RPP38: variants seen among roughly 807,000 people sequenced by gnomAD.
The protein encoded by RPP38 is ribonuclease P/MRP subunit p38, also known as ribonuclease P protein subunit p38.
Under a neutral mutation model 1.7 loss-of-function variants are expected in RPP38, and 2 were observed. The ratio of observed to expected loss-of-function variants is 1.18; its 90% CI spans 0.48 to 3.70. RPP38 has a LOEUF of 3.70. Ranked by LOEUF, RPP38 falls within the 30% of genes most tolerant of loss-of-function variation. The pLI is 0.07. For missense variants in RPP38, 358 were observed against 340.1 expected (o/e 1.05, Z -0.41); for synonymous variants, 151 against 131.8 (o/e 1.15, Z -1.00).
At position 15,104,133 on chromosome 10, in the gene RPP38, A is replaced by G; in HGVS notation, c.819A>G (p.Lys273=). The G allele has an allele frequency of 1.9e-6, 3 of 1,573,734 alleles. No homozygotes were observed. In the South Asian group the frequency reaches 3.6e-5, roughly 19 times the overall value. ...KLIPNPNKIR[K]PPKSKKATPK ...TTCCAAACCCTAATAAGATAAGGAA[A>G]CCACCCAAAAGTAAAAAAGCTACTC... The change falls in exon 3 of 3, where the codon AAA becomes AAG. Residue 273 remains lysine (K), a synonymous_variant. Transcript: ENST00000378197.
chr10:15,098,043 G>A (rs115408189), intron 1 of RPP38, among the ~76,000 whole-genome samples: 1 of 152,000 alleles, frequency 6.6e-6, no homozygotes. Flanking sequence ...CTCTTCCTTT[G>A]CCCAGATCCA....
Position 15,104,139 on chromosome 10 carries a change from C to T in RPP38, c.825C>T (p.Pro275=). The change falls in exon 3 of 3, where the codon CCC becomes CCT. Residue 275 remains proline (P), a synonymous_variant. Coordinates refer to ENST00000378197, the MANE Select transcript of RPP38 (RefSeq NM_183005.5). ...IPNPNKIRKP[P]KSKKATPK ...ACCCTAATAAGATAAGGAAACCACCCAAAAGTAAAAAAGCTACTCCAAAGT... is the reference window on the plus strand; with the variant it reads ...ACCCTAATAAGATAAGGAAACCACCTAAAAGTAAAAAAGCTACTCCAAAGT... The T allele has an allele frequency of 6.4e-7, 1 of 1,565,164 alleles. No homozygotes were observed. Among genetic ancestry groups the T allele is most frequent in the African/African-American group, 1.4e-5 (1 of 72,100 alleles).
chr10:15,101,519 T>G (rs1845107163), intron 1 of RPP38, among the ~76,000 whole-genome samples: 1 of 152,156 alleles, frequency 6.6e-6, no homozygotes, highest in South Asian at 2.1e-4. Context: ...CTCAATGGAT[T>G]AGTATCTTTA....
chr10:15,098,691 T>G (rs1213191194), intron 1 of RPP38, among the ~76,000 whole-genome samples: 1 of 150,250 alleles, frequency 6.7e-6, no homozygotes, highest in African/African-American at 2.4e-5. Context: ...ATCGAGACCA[T>G]CCTGGCCAAC....
chr10:15,103,064 C>T (rs1293309854), intron 2 of RPP38: 15 of 243,816 alleles, frequency 6.2e-5, no homozygotes, highest in African/African-American at 1.1e-4. Flanking sequence ...TGGTGGCGGG[C>T]GCCTGTAATC....
At chr10:15,098,504 G>A (rs1455502896) in intron 1 of RPP38, among the ~76,000 whole-genome samples, 1 of 151,204 alleles carries the variant, frequency 6.6e-6, no homozygotes, top group Non-Finnish European at 1.5e-5. Flanking sequence ...TTACAGGCGT[G>A]AGCCACCTCG....
At chr10:15,098,149 T>G (rs1210591855) in intron 1 of RPP38, among the ~76,000 whole-genome samples, 4 of 151,384 alleles carry the variant, frequency 2.6e-5, no homozygotes, top group African/African-American at 9.7e-5. Flanking sequence ...CATTATCTGG[T>G]CCTTACCCAC....
At chr10:15,098,126 T>C (rs1844996619) in intron 1 of RPP38, among the ~76,000 whole-genome samples, 1 of 152,006 alleles carries the variant, frequency 6.6e-6, no homozygotes, top group African/African-American at 2.4e-5. Context: ...ACTGGAACGC[T>C]TGCAAAGGTC....
intron 1 of RPP38, among the ~76,000 whole-genome samples, chr10:15,099,587 A>G (rs958309235): frequency 2.7e-5 from 4 of 149,778 alleles, no homozygotes; most frequent in African/African-American, 9.9e-5. Context: ...CAATTCCCCT[A>G]CCTCAGCCAC....
At position 15,103,111 on chromosome 10, in the gene RPP38, G is replaced by C. The variant is rs566939648; in HGVS notation, c.-10-194G>C. Reference sequence around the variant, plus strand: ...GGAGGCTGAGGCAGGAGAATCGCTTGAACCCAGGAGGTGGAGGTTGCAGTG... The same window carrying C: ...GGAGGCTGAGGCAGGAGAATCGCTTCAACCCAGGAGGTGGAGGTTGCAGTG... On this transcript the variant is annotated intron_variant, in intron 2 of 2. Transcript: ENST00000378197. 2.6e-5 allele frequency: 10 copies of C among 388,204 alleles called. No homozygotes were observed. In the East Asian group the frequency reaches 5.2e-4, roughly 20 times the overall value. 24.0% of individuals were successfully genotyped at this position (388,204 alleles called of 1,614,324 possible).
Position 15,103,542 on chromosome 10 carries a change from CAGAG to C in RPP38, c.232_235del (p.Glu78AsnfsTer12). The stretch of plus-strand genomic sequence containing the variant: ...AAACACCTTTTCTGAAAAAAGAAAG[CAGAG>C]AGAAATGCAGCATTGCTGTTGATAT... On this transcript the variant is annotated frameshift_variant, in exon 3 of 3. Transcript: ENST00000378197. LOFTEE classifies it low-confidence loss of function (END_TRUNC). 1 of 1,613,918 alleles carries C rather than the reference CAGAG, an allele frequency of 6.2e-7. No individual in the cohort carries two copies.
chr10:15,100,744 G>A (rs1049064353), intron 1 of RPP38, among the ~76,000 whole-genome samples: 2 of 151,500 alleles, frequency 1.3e-5, no homozygotes, highest in Admixed American at 6.6e-5. Flanking sequence ...GCAGTGGCGC[G>A]ATCTTGACTC....
Position 15,104,015 on chromosome 10 carries a change from C to T in RPP38, c.701C>T (p.Thr234Ile), listed in dbSNP as rs1564550318. Residue 234 changes from threonine to isoleucine, a missense_variant, in exon 3 of 3, where the codon ACT (threonine) becomes ATT (isoleucine). Physicochemically the swap from Thr to Ile is moderately conservative, Grantham distance 89. Transcript: ENST00000378197. ...LESQDRELLD[T>I]SFEDLSKPKR... ...AGCCAAGACAGAGAGCTTTTGGACA[C>T]TTCATTTGAAGATCTGTCAAAACCT... is the stretch of plus-strand genomic sequence containing the variant. 3 of 1,614,160 alleles carry T rather than the reference C, an allele frequency of 1.9e-6. 1 individual carries two copies. The highest frequency in any genetic ancestry group is 2.2e-5 in the South Asian group (2 of 91,074).
At chr10:15,098,208 T>A (rs996214482) in intron 1 of RPP38, among the ~76,000 whole-genome samples, 2 of 149,952 alleles carry the variant, frequency 1.3e-5, no homozygotes, top group African/African-American at 4.9e-5. Context: ...CCCAGCCACA[T>A]TGAACTTATT....
rs530655020 is a variant in RPP38 at position 15,104,135 on chromosome 10, C to T, written c.821C>T (p.Pro274Leu). The T allele has an allele frequency of 2.5e-6, 4 of 1,571,378 alleles. No individual in the cohort carries two copies. Among genetic ancestry groups the T allele is most frequent in the Non-Finnish European group, 3.4e-6 (4 of 1,165,772 alleles). Residue 274 changes from proline to leucine, a missense_variant, in exon 3 of 3, where the codon CCA becomes CTA. By Grantham distance (98) the Pro-to-Leu change is moderately conservative. Coordinates refer to ENST00000378197, the MANE Select transcript of RPP38 (RefSeq NM_183005.5). Reference protein sequence around the residue: ...LIPNPNKIRKPPKSKKATPK With the variant: ...LIPNPNKIRKLPKSKKATPK ...CCAAACCCTAATAAGATAAGGAAAC[C>T]ACCCAAAAGTAAAAAAGCTACTCCA... is the stretch of plus-strand genomic sequence containing the variant.
intron 1 of RPP38, among the ~76,000 whole-genome samples, chr10:15,098,904 A>AGT (rs57617378): frequency 0.24 from 31,276 of 130,448 alleles, 4,576 homozygotes; most frequent in African/African-American, 0.45. Context: ...AAAAAAAAAA[A>AGT]AAGTTCCTCT....
rs141805788 is a variant in RPP38 at position 15,103,887 on chromosome 10, C to T, written c.573C>T (p.Asp191=). 2.0e-5 allele frequency: 32 copies of T among 1,614,026 alleles called. No homozygotes were observed. The highest frequency in any genetic ancestry group is 5.3e-5 in the African/African-American group (4 of 74,984). Residue 191 remains aspartate (D), a synonymous_variant, in exon 3 of 3, where the codon GAC becomes GAT. Transcript: ENST00000378197. ...AAAAGAACACCACTGACTTTGTGGA[C>T]GAAGTAAGAGCCATCATCCCCAGAG... ...AFKKNTTDFV[D]EVRAIIPRVP... is the part of the protein sequence containing the mutation.
rs1367149741 is a variant in RPP38, at chr10:15,097,430, T to A, written c.-466T>A. 1 of 152,290 alleles carries A rather than the reference T, an allele frequency of 6.6e-6. No homozygotes were observed. Among genetic ancestry groups the A allele is most frequent in the East Asian group, 1.9e-4 (1 of 5,182 alleles). 9.4% of individuals were successfully genotyped at this position (152,290 alleles called of 1,614,324 possible). The stretch of plus-strand genomic sequence containing the variant: ...TCCAGGTGGGCGCGCGGGGCCCACG[T>A]AGGGCAGGAGGCCAGCCCCGGGGGG... On this transcript the variant is annotated 5_prime_UTR_variant, in exon 1 of 3. Coordinates refer to ENST00000378197, the MANE Select transcript of RPP38 (RefSeq NM_183005.5).
rs1845209711 is a variant in RPP38, at chr10:15,103,901, T to C, written c.587T>C (p.Ile196Thr). 1 of 1,614,168 alleles carries C rather than the reference T, an allele frequency of 6.2e-7. No individual in the cohort carries two copies. Among genetic ancestry groups the C allele is most frequent in the South Asian group, 1.1e-5 (1 of 91,078 alleles). ...GACTTTGTGGACGAAGTAAGAGCCA[T>C]CATCCCCAGAGTCCCCAGTTTAAGT... Reference protein sequence around the residue: ...TTDFVDEVRAIIPRVPSLSVP... With the variant: ...TTDFVDEVRATIPRVPSLSVP... The change falls in exon 3 of 3, where the codon ATC (isoleucine) becomes ACC (threonine). Residue 196 changes from isoleucine (I) to threonine (T), a missense_variant. Ile to Thr is a moderately conservative substitution (Grantham distance 89). Transcript: ENST00000378197.
Sources: gnomAD v4.1 joint callset for allele counts (sites outside exome capture counted in the v4.1 genomes callset) on GRCh38, gnomAD v4.1.1 for gene constraint, MANE v1.5 for transcripts, NCBI Gene and HGNC (gene_info 2026-07-23, HGNC 2026-07-21) for gene names.